The following ASTN2 variants were observed in gnomAD, a reference collection of about 807,000 sequenced individuals.
ASTN2 encodes astrotactin 2.
In ASTN2, 54 loss-of-function variants were observed where a neutral mutation model predicts 139.8. That is an observed-to-expected ratio of 0.39 (90% CI 0.31 to 0.48). The LOEUF (loss-of-function observed/expected upper bound fraction) is 0.48. ASTN2 is among the 20% of genes least tolerant of loss of function. The pLI, the probability that ASTN2 is intolerant of heterozygous loss-of-function variation, is 0.95. For synonymous variants in ASTN2, 756 were observed against 719.5 expected (o/e 1.05, Z -0.81); for missense variants, 1,565 against 1,725.1 (o/e 0.91, Z 1.64).
chr9:117,355,492 T>G lies in ASTN2; in HGVS notation c.442+59005A>C, dbSNP rs752542102. ...GGCAATGGAGTGCAGAGAGAGGACA[T>G]GGCTCGCCACATGTAATGTACTGAG... On this transcript the variant is annotated intron_variant, in intron 1 of 22. Coordinates refer to ENST00000313400, the MANE Select transcript of ASTN2 (RefSeq NM_001365068.1). 3.7e-4 allele frequency among the ~76,000 whole-genome samples: 56 copies of G among 152,128 alleles called. 1 individual carries two copies. Among genetic ancestry groups the G allele is most frequent in the Non-Finnish European group, 7.1e-4 (48 of 68,026 alleles).
chr9:116,923,888 G>GGC (rs796419928), intron 10 of ASTN2, among the ~76,000 whole-genome samples: 9 of 152,266 alleles, frequency 5.9e-5, no homozygotes, highest in African/African-American at 2.2e-4. Context: ...ACTAAGAGAA[G>GGC]GCACTTGCTG....
chr9:116,746,054 C>T (rs1829223715), intron 13 of ASTN2, among the ~76,000 whole-genome samples: 1 of 151,338 alleles, frequency 6.6e-6, no homozygotes, highest in African/African-American at 2.4e-5. Context: ...TTTCCTCAAT[C>T]CTGAAAGCCA....
intron 11 of ASTN2, among the ~76,000 whole-genome samples, chr9:116,841,924 A>G (rs1209038365): frequency 6.6e-6 from 1 of 152,214 alleles, no homozygotes; most frequent in East Asian, 1.9e-4. Flanking sequence ...TACTTTTCCA[A>G]TGAGGAAACT....
chr9:116,616,116 A>T (rs546338316), intron 19 of ASTN2, among the ~76,000 whole-genome samples: 11 of 152,350 alleles, frequency 7.2e-5, no homozygotes, highest in African/African-American at 2.4e-4. Flanking sequence ...AAAGAAAGAA[A>T]TATAATTGTC....
intron 3 of ASTN2, among the ~76,000 whole-genome samples, chr9:117,182,247 T>A (rs6478285): frequency 0.88 from 127,104 of 144,860 alleles, 54,699 homozygotes; most frequent in East Asian, 0.95. Context: ...AAAAAAAAAA[T>A]AATAAGATTT....
At chr9:116,800,881 G>A (rs1177012585) in intron 13 of ASTN2, among the ~76,000 whole-genome samples, 1 of 152,178 alleles carries the variant, frequency 6.6e-6, no homozygotes, top group Non-Finnish European at 1.5e-5. Flanking sequence ...GCTTTGTAAA[G>A]CAGAAATCTG....
At chr9:116,549,634 C>T (rs902876176) in intron 19 of ASTN2, among the ~76,000 whole-genome samples, 4 of 152,174 alleles carry the variant, frequency 2.6e-5, no homozygotes, top group Non-Finnish European at 4.4e-5. Flanking sequence ...CTTTATGAAA[C>T]GATTCTGGTT....
intron 1 of ASTN2, among the ~76,000 whole-genome samples, chr9:117,325,237 C>A (rs1401525783): frequency 6.6e-6 from 1 of 152,134 alleles, no homozygotes; most frequent in Admixed American, 6.5e-5. Context: ...CAGATTCTGG[C>A]CTCCCCTTCC....
chr9:117,338,635 C>T (rs903126986), intron 1 of ASTN2, among the ~76,000 whole-genome samples: 1 of 152,152 alleles, frequency 6.6e-6, no homozygotes, highest in South Asian at 2.1e-4. Flanking sequence ...TGCTTCTTCC[C>T]CCCTCCACCC....
chr9:116,863,633 G>A lies in ASTN2; in HGVS notation c.1990C>T (p.Arg664Cys), dbSNP rs1832950217. 6 of 1,614,028 alleles carry A rather than the reference G, an allele frequency of 3.7e-6. No homozygotes were observed. Among genetic ancestry groups the A allele is most frequent in the South Asian group, 1.1e-5 (1 of 91,082 alleles). The change falls in exon 11 of 23, where the codon CGC becomes TGC. Residue 664 changes from arginine (R) to cysteine (C), a missense_variant. Transcript: ENST00000313400. ...CGGTCAGACACACACTTGAAGTTGC[G>A]AGTGCAGCCCCCATTGTTCCGAGAG... ...DCSRNNGGCT[R>C]NFKCVSDRQV...
intron 1 of ASTN2, among the ~76,000 whole-genome samples, chr9:117,390,927 C>T (rs932446939): frequency 3.3e-5 from 5 of 152,194 alleles, no homozygotes; most frequent in African/African-American, 7.2e-5. Context: ...TGTTTTACCC[C>T]TAGTTACACT....
intron 3 of ASTN2, among the ~76,000 whole-genome samples, chr9:117,170,426 C>A (rs1830765412): frequency 6.6e-6 from 1 of 152,062 alleles, no homozygotes; most frequent in Non-Finnish European, 1.5e-5. Context: ...CTGATGAAGG[C>A]ACTAGGGATT....
At chr9:116,732,137 AAGAT>A (rs1399082175) in intron 14 of ASTN2, among the ~76,000 whole-genome samples, 6 of 152,220 alleles carry the variant, frequency 3.9e-5, no homozygotes, top group Non-Finnish European at 7.3e-5. Context: ...GGGGTGATGT[AAGAT>A]AGTGGATATG....
intron 17 of ASTN2, among the ~76,000 whole-genome samples, chr9:116,637,891 G>T (rs1476040950): frequency 6.6e-6 from 1 of 152,176 alleles, no homozygotes; most frequent in Non-Finnish European, 1.5e-5. Context: ...AGTGAGCAAT[G>T]ATCGTGCCAC....
intron 7 of ASTN2, among the ~76,000 whole-genome samples, chr9:117,003,054 A>G (rs1209608753): frequency 1.3e-5 from 2 of 152,216 alleles, no homozygotes; most frequent in Non-Finnish European, 2.9e-5. Context: ...AAAGGGACAG[A>G]GGCATGCGAG....
At chr9:117,308,560 C>T (rs887828314) in intron 1 of ASTN2, among the ~76,000 whole-genome samples, 2 of 152,150 alleles carry the variant, frequency 1.3e-5, no homozygotes, top group Non-Finnish European at 2.9e-5. Flanking sequence ...TTCAAGTGCA[C>T]TTTCAGGAGT....
At chr9:116,456,612 T>C (rs868004275) in intron 20 of ASTN2, among the ~76,000 whole-genome samples, 1 of 152,130 alleles carries the variant, frequency 6.6e-6, no homozygotes, top group African/African-American at 2.4e-5. Context: ...AGTCACATCT[T>C]ACAGGGATGG....
chr9:116,642,561 T>A (rs1194408759), intron 17 of ASTN2, among the ~76,000 whole-genome samples: 1 of 152,108 alleles, frequency 6.6e-6, no homozygotes, highest in Non-Finnish European at 1.5e-5. Flanking sequence ...TAACTGACAC[T>A]GACCCTCTTA....
At chr9:117,173,274 A>G (rs973307603) in intron 3 of ASTN2, among the ~76,000 whole-genome samples, 2 of 152,178 alleles carry the variant, frequency 1.3e-5, no homozygotes, top group African/African-American at 2.4e-5. Flanking sequence ...AAATTCACCA[A>G]TCTTGAGTTT....
Sources: gnomAD v4.1 joint callset for allele counts (sites outside exome capture counted in the v4.1 genomes callset) on GRCh38, gnomAD v4.1.1 for gene constraint, MANE v1.5 for transcripts, NCBI Gene and HGNC (gene_info 2026-07-23, HGNC 2026-07-21) for gene names.